BRAF: variants seen among roughly 807,000 people sequenced by gnomAD.
BRAF encodes B-Raf proto-oncogene, serine/threonine kinase.
In BRAF, 16 loss-of-function variants were observed where a neutral mutation model predicts 104.6. That is an observed-to-expected ratio of 0.15 (90% CI 0.10 to 0.23). The LOEUF (loss-of-function observed/expected upper bound fraction) is 0.23, where lower values mean the gene tolerates loss of function less well. BRAF is among the 10% of genes least tolerant of loss of function. The pLI, the probability that BRAF is intolerant of heterozygous loss-of-function variation, is 1.00. For missense variants in BRAF, 541 were observed against 937.3 expected (o/e 0.58, Z 5.52); for synonymous variants, 310 against 341.6 (o/e 0.91, Z 1.02).
At chr7:140,774,550 C>T (rs188926042) in intron 14 of BRAF, among the ~76,000 whole-genome samples, 186 of 152,266 alleles carry the variant, frequency 1.2e-3, no homozygotes, top group African/African-American at 4.4e-3. Flanking sequence ...CAGGGTCTCG[C>T]TCTGTTACCC....
intron 17 of BRAF, among the ~76,000 whole-genome samples, chr7:140,745,408 G>T (rs1797270823): frequency 1.3e-5 from 2 of 152,184 alleles, no homozygotes; most frequent in Non-Finnish European, 2.9e-5. Flanking sequence ...AGAGCAGAAA[G>T]CAGGAAACTT....
intron 14 of BRAF, among the ~76,000 whole-genome samples, chr7:140,757,648 TA>T (rs1485728895): frequency 6.6e-6 from 1 of 152,218 alleles, no homozygotes; most frequent in Non-Finnish European, 1.5e-5. Context: ...TAGCTTTCAC[TA>T]AAAAAGTCGG....
At chr7:140,864,055 A>G (rs1486643046) in intron 1 of BRAF, among the ~76,000 whole-genome samples, 1 of 152,234 alleles carries the variant, frequency 6.6e-6, no homozygotes, top group Non-Finnish European at 1.5e-5. Flanking sequence ...CTAGAGCAGT[A>G]TATATTATAG....
chr7:140,716,856 CT>C (rs1042429695), downstream of BRAF, among the ~76,000 whole-genome samples: 11 of 152,202 alleles, frequency 7.2e-5, no homozygotes, highest in African/African-American at 2.7e-4. Flanking sequence ...CCAATTGCCC[CT>C]AGAACTATTT....
intron 15 of BRAF, 113 bp from the exon 15 acceptor site, chr7:140,753,506 T>C: frequency 1.4e-6 from 1 of 716,924 alleles, no homozygotes; most frequent in South Asian, 1.5e-5. Flanking sequence ...TATAATATTC[T>C]TTAAAACATA....
chr7:140,897,984 G>T (rs1040934612), intron 1 of BRAF, among the ~76,000 whole-genome samples: 1 of 152,154 alleles, frequency 6.6e-6, no homozygotes, highest in African/African-American at 2.4e-5. Context: ...AGAATCACTT[G>T]AAGCCAGGAG....
At chr7:140,891,011 T>A (rs1225572259) in intron 1 of BRAF, among the ~76,000 whole-genome samples, 1 of 152,220 alleles carries the variant, frequency 6.6e-6, no homozygotes. Flanking sequence ...ATATATCATA[T>A]ACCAAGGATA....
chr7:140,762,245 C>T (rs1360724880), intron 14 of BRAF, among the ~76,000 whole-genome samples: 1 of 152,186 alleles, frequency 6.6e-6, no homozygotes, highest in African/African-American at 2.4e-5. Flanking sequence ...TCACTCAAAA[C>T]CACTCAACTA....
Position 140,924,828 on chromosome 7 carries a change from G to T in BRAF, c.-125C>A, listed in dbSNP as rs1818716046. The T allele has an allele frequency of 1.1e-5, 4 of 363,848 alleles. No individual in the cohort carries two copies. The highest frequency in any genetic ancestry group is 8.0e-5 in the South Asian group (1 of 12,472). 22.5% of individuals were successfully genotyped at this position (363,848 alleles called of 1,614,324 possible). On this transcript the variant is annotated 5_prime_UTR_variant, in exon 1 of 20. Transcript: ENST00000644969. This position sits in a 1 kb window ranked among gnomAD's most constrained non-coding sequence, Gnocchi z 4.2. The stretch of plus-strand genomic sequence containing the variant: ...GAGCGGGGGGCGCGGGGGGCGCGGG[G>T]AGGAGCGGCCCGGGCGGCGCCGCGG...
chr7:140,806,470 T>C (rs914469625), intron 5 of BRAF, among the ~76,000 whole-genome samples: 1 of 152,176 alleles, frequency 6.6e-6, no homozygotes, highest in Non-Finnish European at 1.5e-5. Context: ...GTGGTGACAA[T>C]TTCCATACTC....
intron 1 of BRAF, among the ~76,000 whole-genome samples, chr7:140,870,737 T>C (rs773848420): frequency 6.6e-6 from 1 of 152,094 alleles, no homozygotes; most frequent in Non-Finnish European, 1.5e-5. Flanking sequence ...AGAGCACTTC[T>C]AAACTTCATT....
At chr7:140,891,841 G>A (rs1448355855) in intron 1 of BRAF, among the ~76,000 whole-genome samples, 1 of 152,096 alleles carries the variant, frequency 6.6e-6, no homozygotes, top group Non-Finnish European at 1.5e-5. Context: ...AAACAACCCT[G>A]AAAAAATGCA....
downstream of BRAF, among the ~76,000 whole-genome samples, chr7:140,716,920 G>A (rs1435568790): frequency 2.6e-5 from 4 of 152,346 alleles, no homozygotes; most frequent in East Asian, 7.7e-4. Flanking sequence ...CAGGAGCAAT[G>A]GTGGGAAACA....
chr7:140,721,179 T>C lies in BRAF; in HGVS notation c.*5315A>G. 9.4e-7 allele frequency: 1 copy of C among 1,068,138 alleles called. No individual in the cohort carries two copies. The highest frequency in any genetic ancestry group is 1.1e-6 in the Non-Finnish European group (1 of 880,598). The allele number at this position is 1,068,138 out of a possible 1,614,324, so 66.2% of individuals were successfully genotyped here. On this transcript the variant is annotated 3_prime_UTR_variant, in exon 20 of 20. Coordinates refer to ENST00000644969, the MANE Select transcript of BRAF (RefSeq NM_001374258.1). ...TAATTATTCAAAATAGCTAAATAAATGTCAACATTTTAATAAAGCTGATTT... is the reference window on the plus strand; with the variant it reads ...TAATTATTCAAAATAGCTAAATAAACGTCAACATTTTAATAAAGCTGATTT...
At chr7:140,790,589 T>C (rs1445389374) in intron 8 of BRAF, among the ~76,000 whole-genome samples, 1 of 152,196 alleles carries the variant, frequency 6.6e-6, no homozygotes, top group African/African-American at 2.4e-5. Flanking sequence ...AGGCAAACAC[T>C]ACTAGCCCCA....
At chr7:140,755,591 TTAC>T (rs767882245) in intron 14 of BRAF, among the ~76,000 whole-genome samples, 1 of 152,174 alleles carries the variant, frequency 6.6e-6, no homozygotes, top group Non-Finnish European at 1.5e-5. Context: ...TTCATAGCAT[TTAC>T]TACAATTGAA....
intron 3 of BRAF, among the ~76,000 whole-genome samples, chr7:140,820,018 C>G (rs1477102520): frequency 6.6e-6 from 1 of 151,976 alleles, no homozygotes; most frequent in African/African-American, 2.4e-5. Context: ...AAGAAATTTT[C>G]TTTTGACTTA....
At chr7:140,790,164 C>T (rs1024045145) in intron 8 of BRAF, among the ~76,000 whole-genome samples, 1 of 152,196 alleles carries the variant, frequency 6.6e-6, no homozygotes, top group South Asian at 2.1e-4. Flanking sequence ...GAAGGAACTA[C>T]AAGACAAAGG....
Position 140,724,188 on chromosome 7 carries a change from C to T in BRAF, c.*2306G>A. 15 of 1,056,588 alleles carry T rather than the reference C, an allele frequency of 1.4e-5. No individual in the cohort carries two copies. The highest frequency in any genetic ancestry group is 1.4e-5 in the Non-Finnish European group (12 of 873,868). 65.5% of individuals were successfully genotyped at this position (1,056,588 alleles called of 1,614,324 possible). Reference sequence around the variant, plus strand: ...GAAACTGAAATGCTAAGCTTCCTCCCTAATGGTACCGCCCCTGCCCCTGCC... The same window carrying T: ...GAAACTGAAATGCTAAGCTTCCTCCTTAATGGTACCGCCCCTGCCCCTGCC... On this transcript the variant is annotated 3_prime_UTR_variant, in exon 20 of 20. Coordinates refer to ENST00000644969, the MANE Select transcript of BRAF (RefSeq NM_001374258.1).
Sources: allele counts gnomAD v4.1 joint callset (sites outside exome capture counted in the v4.1 genomes callset), GRCh38; gene constraint gnomAD v4.1.1; non-coding constraint Gnocchi (gnomAD v3.1); transcripts MANE v1.5; gene names NCBI Gene and HGNC (gene_info 2026-07-23, HGNC 2026-07-21).